PAN3: variants seen among roughly 807,000 people sequenced by gnomAD.
PAN3 encodes the protein PAN2-PAN3 deadenylation complex subunit PAN3.
PAN3 carries 19 observed loss-of-function variants against 96.2 expected under a neutral mutation model. The ratio of observed to expected loss-of-function variants is 0.20; its 90% CI spans 0.14 to 0.29. The LOEUF (loss-of-function observed/expected upper bound fraction) is 0.29, where lower values mean the gene tolerates loss of function less well. Among genes scored for constraint, PAN3 ranks in the 10% least tolerant of loss-of-function variants. The pLI is 1.00. For missense variants in PAN3, 882 were observed against 1,108.1 expected (o/e 0.80, Z 2.90); for synonymous variants, 433 against 406.6 (o/e 1.06, Z -0.78).
intron 5 of PAN3, among the ~76,000 whole-genome samples, chr13:28,206,464 C>T (rs1459564605): frequency 6.6e-6 from 1 of 151,814 alleles, no homozygotes; most frequent in African/African-American, 2.4e-5. Context: ...GCTGGGACTA[C>T]AGGCTGCACC....
At chr13:28,233,400 G>A (rs970884250) in intron 6 of PAN3, among the ~76,000 whole-genome samples, 3 of 151,658 alleles carry the variant, frequency 2.0e-5, no homozygotes, top group Admixed American at 6.6e-5. Context: ...CTGAGTAGCC[G>A]GGATTACAGG....
At chr13:28,225,735 C>CT (rs938901841) in intron 6 of PAN3, among the ~76,000 whole-genome samples, 1 of 152,116 alleles carries the variant, frequency 6.6e-6, no homozygotes, top group Non-Finnish European at 1.5e-5. Context: ...TAGTCCTCTC[C>CT]TTTTTTGCTG....
At chr13:28,223,871 ATTTTTTTTTTTTTTTTT>A (rs560571140) in intron 6 of PAN3, among the ~76,000 whole-genome samples, 1 of 75,012 alleles carries the variant, frequency 1.3e-5, no homozygotes, top group Non-Finnish European at 2.4e-5. Context: ...ATGAAAAGTG[ATTTTTTTTTTTTTTTTT>A]TTTTTTTTTT....
Position 28,174,292 on chromosome 13 carries a change from G to A in PAN3, c.451G>A (p.Ala151Thr). ...RLAIPGMDGGALTDTSLTDSY... is the reference protein window; with the variant it reads ...RLAIPGMDGGTLTDTSLTDSY... ...TTCAGTTCCAGGAATGGATGGAGGTGCTTTAACTGATACAAGTCTCACAGA... is the reference window on the plus strand; with the variant it reads ...TTCAGTTCCAGGAATGGATGGAGGTACTTTAACTGATACAAGTCTCACAGA... The change falls in exon 2 of 19, where the codon GCT (alanine) becomes ACT (threonine). Residue 151 changes from alanine (A) to threonine (T), a missense_variant. This residue lies in a region of PAN3 where 442 missense variants were observed against 422.8 expected (regional missense o/e 1.05). Transcript: ENST00000380958. The A allele has an allele frequency of 6.2e-7, 1 of 1,612,444 alleles. No individual in the cohort carries two copies. Among genetic ancestry groups the A allele is most frequent in the African/African-American group, 1.3e-5 (1 of 74,992 alleles).
chr13:28,187,623 A>G (rs1015230795), intron 4 of PAN3, among the ~76,000 whole-genome samples: 1 of 152,166 alleles, frequency 6.6e-6, no homozygotes, highest in Non-Finnish European at 1.5e-5. Context: ...TGTCCCCCTC[A>G]ATGACCTGAC....
chr13:28,181,402 C>G (rs934586850), intron 4 of PAN3, among the ~76,000 whole-genome samples: 9 of 145,826 alleles, frequency 6.2e-5, no homozygotes, highest in African/African-American at 2.0e-4. Context: ...CACAGCTACT[C>G]GGGAGGATGA....
At chr13:28,238,211 C>G (rs1329756699) in intron 6 of PAN3, among the ~76,000 whole-genome samples, 1 of 152,182 alleles carries the variant, frequency 6.6e-6, no homozygotes, top group Non-Finnish European at 1.5e-5. Context: ...CTTTTCTTAG[C>G]TGAGATTCCT....
chr13:28,271,505 TTG>T (rs1331993615), intron 13 of PAN3, among the ~76,000 whole-genome samples: 6 of 152,320 alleles, frequency 3.9e-5, no homozygotes, highest in Admixed American at 3.3e-4. Context: ...CTTCTTCAAA[TTG>T]TGTTTTGACA....
At position 28,176,552 on chromosome 13, in the gene PAN3, A is replaced by C; in HGVS notation, c.612A>C (p.Ser204=). ...SLLNDSAKPY[S]AHDPLTSPAS... is the part of the protein sequence containing the mutation. The stretch of plus-strand genomic sequence containing the variant: ...TAAATGACAGTGCCAAGCCATATTC[A>C]GCCCATGGTAAGACCTGATCCCTTT... The change falls in exon 3 of 19, where the codon TCA becomes TCC. Residue 204 remains serine (S), a synonymous_variant. Transcript: ENST00000380958. The C allele has an allele frequency of 1.2e-6, 2 of 1,613,742 alleles. No homozygotes were observed. Among genetic ancestry groups the C allele is most frequent in the South Asian group, 1.1e-5 (1 of 91,058 alleles).
intron 6 of PAN3, 152 bp from the exon 7 acceptor site, chr13:28,256,140 A>C (rs1240600348): frequency 1.1e-6 from 1 of 883,516 alleles, no homozygotes; most frequent in Admixed American, 2.6e-5. Context: ...CTTTTTCTAC[A>C]ACAAAACAAG....
intron 12 of PAN3, among the ~76,000 whole-genome samples, chr13:28,268,316 C>T (rs1886354797): frequency 6.6e-6 from 1 of 151,802 alleles, no homozygotes; most frequent in Non-Finnish European, 1.5e-5. Context: ...TTTAATGATT[C>T]CTATTATGAC....
chr13:28,153,232 CTTTTTTT>C (rs10651877), intron 1 of PAN3, among the ~76,000 whole-genome samples: 1 of 101,532 alleles, frequency 9.8e-6, no homozygotes, highest in Non-Finnish European at 1.9e-5. Context: ...GTATAATACG[CTTTTTTT>C]TTTTTTTTTT....
intron 6 of PAN3, among the ~76,000 whole-genome samples, chr13:28,244,912 G>A (rs891967072): frequency 3.3e-5 from 5 of 151,868 alleles, no homozygotes; most frequent in East Asian, 1.9e-4. Context: ...GCAGTGGCGC[G>A]ATCTTGGCTC....
intron 1 of PAN3, among the ~76,000 whole-genome samples, chr13:28,159,963 G>C (rs1170174873): frequency 4.0e-5 from 6 of 151,298 alleles, no homozygotes; most frequent in African/African-American, 1.5e-4. Flanking sequence ...TTTTGAGACA[G>C]AGTCTCGCTC....
intron 1 of PAN3, among the ~76,000 whole-genome samples, chr13:28,167,958 C>T (rs1039241920): frequency 1.3e-5 from 2 of 152,146 alleles, no homozygotes; most frequent in African/African-American, 4.8e-5. Flanking sequence ...GTCAAATATC[C>T]TAGTTTATCC....
Position 28,197,347 on chromosome 13 carries a change from G to C in PAN3, c.852+1G>C. On this transcript the variant is annotated splice_donor_variant, in intron 5 of 18. Transcript: ENST00000380958. LOFTEE classifies it high-confidence loss of function. ...CAGAGTCACAGAAAACAATTTACAG[G>C]TAAAAATAATTTTTATTAGACATTT... 2 of 1,581,080 alleles carry C rather than the reference G, an allele frequency of 1.3e-6. No homozygotes were observed. Among genetic ancestry groups the C allele is most frequent in the Non-Finnish European group, 1.7e-6 (2 of 1,162,752 alleles).
chr13:28,268,258 CTTTA>C (rs1171917769), intron 12 of PAN3, among the ~76,000 whole-genome samples: 1 of 151,752 alleles, frequency 6.6e-6, no homozygotes, highest in East Asian at 1.9e-4. Context: ...TACATCTTTT[CTTTA>C]TTATAGGTAT....
chr13:28,169,206 ATTTTTTTTTTGTTTGCTTT>A (rs1873970746), intron 1 of PAN3, among the ~76,000 whole-genome samples: 1 of 88,932 alleles, frequency 1.1e-5, no homozygotes, highest in Admixed American at 1.1e-4. Flanking sequence ...GCATTTTCTC[ATTTTTTTTTTGTTTGCTTT>A]TTTTTTTTTT....
At chr13:28,287,219 T>C (rs956303683) in intron 17 of PAN3, among the ~76,000 whole-genome samples, 2 of 152,226 alleles carry the variant, frequency 1.3e-5, no homozygotes, top group South Asian at 2.1e-4. Flanking sequence ...TATATACTTA[T>C]ATTCACACAT....
Sources: allele counts gnomAD v4.1 joint callset (sites outside exome capture counted in the v4.1 genomes callset), GRCh38; gene constraint gnomAD v4.1.1; regional missense constraint gnomAD v4.1.1; transcripts MANE v1.5; gene names NCBI Gene and HGNC (gene_info 2026-07-23, HGNC 2026-07-21).